DNAJA2: variants seen among roughly 807,000 people sequenced by gnomAD.
DNAJA2 encodes DnaJ heat shock protein family (Hsp40) member A2, also known as dnaJ homolog subfamily A member 2.
Under a neutral mutation model 49.3 loss-of-function variants are expected in DNAJA2, and 6 were observed. The observed-to-expected ratio is 0.12, with a 90% confidence interval of 0.07 to 0.24. The LOEUF (loss-of-function observed/expected upper bound fraction) is 0.24. Ranked by LOEUF, DNAJA2 falls within the 10% of genes least tolerant of loss-of-function variation. The probability of loss-of-function intolerance (pLI) is 1.00; values close to 1 mark genes in which losing one functional copy is unlikely to be tolerated. For synonymous variants in DNAJA2, 160 were observed against 172.7 expected (o/e 0.93, Z 0.58); for missense variants, 347 against 516.8 (o/e 0.67, Z 3.19).
In DNAJA2 at chr16:46,971,426, T is replaced by TC; in HGVS notation, c.284dup (p.Leu96IlefsTer10). On this transcript the variant is annotated frameshift_variant, in exon 3 of 9. Coordinates refer to ENST00000317089, the MANE Select transcript of DNAJA2 (RefSeq NM_005880.4). LOFTEE classifies it high-confidence loss of function. ...TCTGATTGCCCATGAAGCCGAACAATCCCCCACCAAAAATGTGAGAGAAAA... is the reference window on the plus strand; with the variant it reads ...TCTGATTGCCCATGAAGCCGAACAATCCCCCCACCAAAAATGTGAGAGAAAA... 1 of 1,613,894 alleles carries TC rather than the reference T, an allele frequency of 6.2e-7. No homozygotes were observed. Among genetic ancestry groups the TC allele is most frequent in the Non-Finnish European group, 8.5e-7 (1 of 1,179,974 alleles).
At chr16:46,962,657 TAACA>T (rs1961915359) in intron 6 of DNAJA2, among the ~76,000 whole-genome samples, 3 of 152,224 alleles carry the variant, frequency 2.0e-5, no homozygotes, top group African/African-American at 7.2e-5. Context: ...GCTAAAATGT[TAACA>T]AATAGCAAAT....
intron 2 of DNAJA2, 88 bp from the exon 3 acceptor site, chr16:46,971,660 C>CAAAAA: frequency 5.8e-6 from 1 of 172,724 alleles, no homozygotes; most frequent in Non-Finnish European, 9.4e-6. Context: ...CCATTTAATT[C>CAAAAA]TAAAAAAAAA....
chr16:46,966,209 C>T (rs1176141096), intron 5 of DNAJA2, among the ~76,000 whole-genome samples: 3 of 151,884 alleles, frequency 2.0e-5, no homozygotes, highest in East Asian at 3.8e-4. Flanking sequence ...CCAGCCCAGG[C>T]GACAGCAAGA....
chr16:46,959,804 C>T (rs139651363), intron 6 of DNAJA2, among the ~76,000 whole-genome samples: 1 of 152,160 alleles, frequency 6.6e-6, no homozygotes, highest in East Asian at 1.9e-4. Context: ...CAGACATGAT[C>T]GTAACAGGGA....
intron 2 of DNAJA2, 106 bp downstream of exon 2, chr16:46,971,790 G>A (rs1424160503): frequency 3.8e-5 from 40 of 1,052,816 alleles, no homozygotes; most frequent in Non-Finnish European, 5.4e-5. Context: ...AAATGTGGCT[G>A]TGTGGGCATA....
Position 46,955,385 on chromosome 16 carries a change from G to T in DNAJA2, c.*1644C>A. ...ACAACTGTTTTATAAACCTTTATTG[G>T]AAAGGCTACAAACTTTATATTGCCA... On this transcript the variant is annotated 3_prime_UTR_variant, in exon 9 of 9. Transcript: ENST00000317089. 6.6e-6 allele frequency: 1 copy of T among 152,186 alleles called. No individual in the cohort carries two copies. Among genetic ancestry groups the T allele is most frequent in the East Asian group, 1.9e-4 (1 of 5,198 alleles). The allele number at this position is 152,186 out of a possible 1,614,324, so 9.4% of individuals were successfully genotyped here.
intron 6 of DNAJA2, among the ~76,000 whole-genome samples, chr16:46,963,871 T>A (rs920812222): frequency 3.3e-5 from 5 of 152,178 alleles, no homozygotes; most frequent in Non-Finnish European, 5.9e-5. Flanking sequence ...AAATACAGGC[T>A]GCCTTAGATC....
At chr16:46,971,840 G>T in intron 2 of DNAJA2, 56 bp downstream of exon 2, 1 of 1,423,074 alleles carries the variant, frequency 7.0e-7, no homozygotes, top group Non-Finnish European at 9.9e-7. Flanking sequence ...TTTTCAAGGA[G>T]GGCAATTTAA....
intron 5 of DNAJA2, among the ~76,000 whole-genome samples, chr16:46,965,736 C>T (rs1961959801): frequency 6.7e-6 from 1 of 149,390 alleles, no homozygotes; most frequent in Non-Finnish European, 1.5e-5. Flanking sequence ...GAGGCCGAGG[C>T]AGCAGAATCA....
chr16:46,961,581 CA>C (rs36085777), intron 6 of DNAJA2, among the ~76,000 whole-genome samples: 113,119 of 135,404 alleles, frequency 0.84, 47,258 homozygotes, highest in Middle Eastern at 0.91. Flanking sequence ...AAGACTGTCT[CA>C]AAAAAAAAAA....
chr16:46,966,763 C>T (rs888604728), intron 5 of DNAJA2, among the ~76,000 whole-genome samples: 7 of 152,280 alleles, frequency 4.6e-5, no homozygotes, highest in African/African-American at 1.7e-4. Context: ...TTCTGAAAAG[C>T]TAACTAAAGG....
chr16:46,964,652 G>C lies in DNAJA2; in HGVS notation c.733C>G (p.Pro245Ala), dbSNP rs746728501. The change falls in exon 6 of 9, where the codon CCC (proline) becomes GCC (alanine). Residue 245 changes from proline to alanine, a missense_variant. Physicochemically the swap from Pro to Ala is conservative, Grantham distance 27 (BLOSUM62 -1). Transcript: ENST00000317089. The part of the protein sequence containing the change: ...GEADQAPGVE[P>A]GDIVLLLQEK... The stretch of plus-strand genomic sequence containing the variant: ...TGTAGCAAAAGAACAATGTCTCCGG[G>C]TTCCACTCCTGGGGCCTGGTCTGCT... 1 of 1,613,100 alleles carries C rather than the reference G, an allele frequency of 6.2e-7. No individual in the cohort carries two copies. Among genetic ancestry groups the C allele is most frequent in the Non-Finnish European group, 8.5e-7 (1 of 1,179,776 alleles).
At chr16:46,966,185 T>C (rs922568735) in intron 5 of DNAJA2, among the ~76,000 whole-genome samples, 8 of 152,016 alleles carry the variant, frequency 5.3e-5, no homozygotes, top group Non-Finnish European at 1.0e-4. Flanking sequence ...GAGCCGAGAG[T>C]GTGCCACTGC....
At chr16:46,972,242 A>G (rs1567355622) in intron 1 of DNAJA2, 3 of 342,570 alleles carry the variant, frequency 8.8e-6, no homozygotes, top group Admixed American at 9.2e-5. Context: ...AACATTATCC[A>G]TATTTTCCCT....
chr16:46,968,872 C>A (rs1567354663), intron 3 of DNAJA2, among the ~76,000 whole-genome samples: 1 of 152,106 alleles, frequency 6.6e-6, no homozygotes, highest in Non-Finnish European at 1.5e-5. Context: ...TTAGAGAGAC[C>A]TCATCTTTAC....
At chr16:46,970,685 A>G (rs1163148178) in intron 3 of DNAJA2, among the ~76,000 whole-genome samples, 1 of 132,284 alleles carries the variant, frequency 7.6e-6, no homozygotes, top group African/African-American at 2.8e-5. Context: ...CAGTGAGCCT[A>G]GATGGTGCCA....
At chr16:46,957,565 TGC>T (rs1961833359) in intron 8 of DNAJA2, among the ~76,000 whole-genome samples, 1 of 151,308 alleles carries the variant, frequency 6.6e-6, no homozygotes, top group African/African-American at 2.4e-5. Context: ...ATTGTGCCAC[TGC>T]ACTCCAGCCT....
At chr16:46,972,489 G>A (rs933275399) in intron 1 of DNAJA2, 2 of 153,676 alleles carry the variant, frequency 1.3e-5, no homozygotes, top group East Asian at 1.9e-4. Context: ...AACTGGGGTC[G>A]TGGTGGCAAC....
Position 46,956,259 on chromosome 16 carries a change from A to G in DNAJA2, c.*770T>C, listed in dbSNP as rs971491543. 1 of 152,196 alleles carries G rather than the reference A, an allele frequency of 6.6e-6. No individual in the cohort carries two copies. The highest frequency in any genetic ancestry group is 6.6e-5 in the Admixed American group (1 of 15,264). 9.4% of individuals were successfully genotyped at this position (152,196 alleles called of 1,614,324 possible). A position where few individuals can be genotyped will look rare whatever the true frequency, so the allele number is the denominator to read the frequency against. On this transcript the variant is annotated 3_prime_UTR_variant, in exon 9 of 9. Coordinates refer to ENST00000317089, the MANE Select transcript of DNAJA2 (RefSeq NM_005880.4). ...TACCAGCCTTTTGTCTTCCAAGACT[A>G]TAAGATGGGCATAGGCCTGAGATAT...
Sources: gnomAD v4.1 joint callset for allele counts (sites outside exome capture counted in the v4.1 genomes callset) on GRCh38, gnomAD v4.1.1 for gene constraint, MANE v1.5 for transcripts, NCBI Gene and HGNC (gene_info 2026-07-23, HGNC 2026-07-21) for gene names.